The following SLC12A1 variants were observed in gnomAD, a reference collection of about 807,000 sequenced individuals.
The protein encoded by SLC12A1 is solute carrier family 12 member 1.
SLC12A1 carries 89 observed loss-of-function variants against 130.4 expected under a neutral mutation model. The observed-to-expected ratio is 0.68, with a 90% CI of 0.58 to 0.81. The LOEUF is 0.81. Ranked by LOEUF, SLC12A1 falls within the 40% of genes least tolerant of loss-of-function variation. The pLI, the probability that SLC12A1 is intolerant of heterozygous loss-of-function variation, is 0.00. For synonymous variants in SLC12A1, 499 were observed against 460.0 expected (o/e 1.08, Z -1.09); for missense variants, 1,310 against 1,336.4 (o/e 0.98, Z 0.31).
chr15:48,224,420 G>A (rs1010545750), intron 4 of SLC12A1: 4 of 152,212 alleles, frequency 2.6e-5, no homozygotes, highest in African/African-American at 9.6e-5. Context: ...ACTCAGTGAT[G>A]AGTGACTTAA....
intron 17 of SLC12A1, among the ~76,000 whole-genome samples, chr15:48,262,147 A>C (rs2141080062): frequency 6.6e-6 from 1 of 152,314 alleles, no homozygotes; most frequent in South Asian, 2.1e-4. Context: ...AATGAGGTCC[A>C]GACACTGGAT....
rs1555464602 is a variant in SLC12A1 at position 48,220,131 on chromosome 15, G to GTAGATA, written c.421-502_421-497dup. The stretch of plus-strand genomic sequence containing the variant: ...CTCAAAAAAAAAAAAAAAAAAAAAG[G>GTAGATA]TAGATAGATAGATAGATAGATAGAT... On this transcript the variant is annotated intron_variant, in intron 2 of 26. Transcript: ENST00000380993. Among the ~76,000 whole-genome samples the GTAGATA allele has an allele frequency of 6.6e-5, 7 of 105,764 alleles. 1 individual carries two copies. Among genetic ancestry groups the GTAGATA allele is most frequent in the African/African-American group, 2.3e-4 (7 of 30,520 alleles). 69.4% of individuals were successfully genotyped at this position (105,764 alleles called of 152,430 possible).
Position 48,301,502 on chromosome 15 carries a change from T to TGGGGG in SLC12A1, c.3164+125_3164+129dup, listed in dbSNP as rs1555387784. 3.1e-4 allele frequency: 137 copies of TGGGGG among 439,496 alleles called. 1 individual carries two copies. The highest frequency in any genetic ancestry group is 1.4e-3 in the South Asian group (39 of 27,828). 27.2% of individuals were successfully genotyped at this position (439,496 alleles called of 1,614,324 possible). A position where few individuals can be genotyped will look rare whatever the true frequency, so the allele number is the denominator to read the frequency against. On this transcript the variant is annotated intron_variant, in intron 26 of 26. Transcript: ENST00000380993. The stretch of plus-strand genomic sequence containing the variant: ...TTTTGTTTTGTTTTTGTGTTTTTTT[T>TGGGGG]GGGGGGGGGAACACGTGGGATTCTT...
intron 20 of SLC12A1, among the ~76,000 whole-genome samples, chr15:48,278,586 G>A (rs1175792119): frequency 1.3e-5 from 2 of 152,202 alleles, no homozygotes; most frequent in African/African-American, 4.8e-5. Flanking sequence ...GGGGCTGCCT[G>A]TCTATGGTAA....
At position 48,303,184 on chromosome 15, in the gene SLC12A1, A is replaced by T; in HGVS notation, c.*299A>T. 4.8e-6 allele frequency: 1 copy of T among 207,614 alleles called. No homozygotes were observed. 12.9% of individuals were successfully genotyped at this position (207,614 alleles called of 1,614,324 possible). On this transcript the variant is annotated 3_prime_UTR_variant, in exon 27 of 27. Coordinates refer to ENST00000380993, the MANE Select transcript of SLC12A1 (RefSeq NM_000338.3). ...TATGCTCATGAAAACCACCAATGTGATTGTAAACTTCTCCAGACAAACTTA... is the reference window on the plus strand; with the variant it reads ...TATGCTCATGAAAACCACCAATGTGTTTGTAAACTTCTCCAGACAAACTTA...
At chr15:48,292,459 A>C (rs1371621533) in intron 24 of SLC12A1, among the ~76,000 whole-genome samples, 2 of 152,248 alleles carry the variant, frequency 1.3e-5, no homozygotes, top group African/African-American at 4.8e-5. Context: ...AATCATTTAA[A>C]TATCTTCAAA....
At chr15:48,246,159 A>G (rs772856341) in intron 11 of SLC12A1, among the ~76,000 whole-genome samples, 4 of 152,212 alleles carry the variant, frequency 2.6e-5, no homozygotes, top group Non-Finnish European at 4.4e-5. Context: ...CATGTCTCAG[A>G]TCTAAAATTA....
chr15:48,274,530 A>C, intron 19 of SLC12A1, 41 bp from the exon 20 acceptor site: 1 of 1,304,276 alleles, frequency 7.7e-7, no homozygotes, highest in Non-Finnish European at 1.1e-6. Context: ...GAGGATTAAA[A>C]GAGCCATTTA....
chr15:48,210,464 C>A (rs4301964), intron 2 of SLC12A1, among the ~76,000 whole-genome samples: 151,238 of 152,292 alleles, frequency 0.99, 75,109 homozygotes, highest in Middle Eastern at 1. Context: ...CTGACATTCC[C>A]GACAGAGAAA....
chr15:48,275,595 T>C (rs564842079), intron 20 of SLC12A1, among the ~76,000 whole-genome samples: 2 of 152,040 alleles, frequency 1.3e-5, no homozygotes, highest in South Asian at 4.2e-4. Flanking sequence ...CCAGACAAAG[T>C]TGAGGGAGAG....
intron 2 of SLC12A1, among the ~76,000 whole-genome samples, chr15:48,211,204 T>C (rs565837609): frequency 6.6e-6 from 1 of 152,190 alleles, no homozygotes; most frequent in Non-Finnish European, 1.5e-5. Context: ...AGAATTCAGA[T>C]TCAACCACAG....
chr15:48,270,737 T>G (rs1221563230), intron 19 of SLC12A1, among the ~76,000 whole-genome samples: 1 of 17,564 alleles, frequency 5.7e-5, no homozygotes, highest in Non-Finnish European at 2.1e-4. Flanking sequence ...ATAATACTTA[T>G]GTGTGTATGT....
chr15:48,289,483 T>C (rs1408490442), intron 23 of SLC12A1, among the ~76,000 whole-genome samples: 1 of 120,010 alleles, frequency 8.3e-6, no homozygotes, highest in East Asian at 3.2e-4. Flanking sequence ...TGTATAACAA[T>C]GTATATACAC....
intron 4 of SLC12A1, chr15:48,225,671 CAG>C (rs1388217751): frequency 1.3e-5 from 2 of 152,464 alleles, no homozygotes; most frequent in Non-Finnish European, 2.9e-5. Flanking sequence ...TTCTTGGAAC[CAG>C]AGCTACTACA....
chr15:48,299,270 GA>G lies in SLC12A1; in HGVS notation c.3095del (p.Lys1032ArgfsTer8). On this transcript the variant is annotated frameshift_variant, in exon 25 of 27. Transcript: ENST00000380993. LOFTEE classifies it high-confidence loss of function. ...ITDAELEAVK[E>X]KSYRQVRLNE... Reference sequence around the variant, plus strand: ...AGATGCAGAACTGGAAGCAGTCAAGGAAAAGGTAAGGATTTGTCTTTCTTAA... The same window carrying G: ...AGATGCAGAACTGGAAGCAGTCAAGGAAAGGTAAGGATTTGTCTTTCTTAA... 1 of 1,592,954 alleles carries G rather than the reference GA, an allele frequency of 6.3e-7. No homozygotes were observed. Among genetic ancestry groups the G allele is most frequent in the Non-Finnish European group, 8.5e-7 (1 of 1,173,160 alleles).
chr15:48,226,598 C>T lies in SLC12A1; in HGVS notation c.724+27C>T, dbSNP rs753222572. 11 of 1,389,806 alleles carry T rather than the reference C, an allele frequency of 7.9e-6. No individual in the cohort carries two copies. The Admixed American group carries it at 1.9e-4, about 24-fold the overall frequency. 86.1% of individuals were successfully genotyped at this position (1,389,806 alleles called of 1,614,324 possible). ...TAAAATCTCTAAGATATCTAATGCCCTCATCACTTGCTACGGGTAGGCGAA... is the reference window on the plus strand; with the variant it reads ...TAAAATCTCTAAGATATCTAATGCCTTCATCACTTGCTACGGGTAGGCGAA... On this transcript the variant is annotated intron_variant, in intron 5 of 26. Coordinates refer to ENST00000380993, the MANE Select transcript of SLC12A1 (RefSeq NM_000338.3).
chr15:48,208,527 G>T (rs2041010174), intron 2 of SLC12A1, among the ~76,000 whole-genome samples: 1 of 152,016 alleles, frequency 6.6e-6, no homozygotes, highest in African/African-American at 2.4e-5. Flanking sequence ...TGCTCAAGCT[G>T]GTCTCGAACT....
At chr15:48,213,575 C>T (rs1427824171) in intron 2 of SLC12A1, among the ~76,000 whole-genome samples, 1 of 149,138 alleles carries the variant, frequency 6.7e-6, no homozygotes, top group East Asian at 2.0e-4. Flanking sequence ...GCAATCTTGG[C>T]TCACTGCAAG....
rs191927875 is a variant in SLC12A1 at position 48,252,268 on chromosome 15, G to A, written c.1942+498G>A. 2.1e-3 allele frequency among the ~76,000 whole-genome samples: 326 copies of A among 152,276 alleles called. 2 individuals carry two copies. Among genetic ancestry groups the A allele is most frequent in the African/African-American group, 7.6e-3 (317 of 41,540 alleles). ...TTGTTGAGCACCTATTATATACCAT[G>A]CACTCATTCAATCATCACAATACTA... On this transcript the variant is annotated intron_variant, in intron 15 of 26. Coordinates refer to ENST00000380993, the MANE Select transcript of SLC12A1 (RefSeq NM_000338.3).
Sources: allele counts gnomAD v4.1 joint callset (sites outside exome capture counted in the v4.1 genomes callset), GRCh38; gene constraint gnomAD v4.1.1; transcripts MANE v1.5; gene names NCBI Gene and HGNC (gene_info 2026-07-23, HGNC 2026-07-21).